MARCOL: variants seen among roughly 807,000 people sequenced by gnomAD.
MARCOL encodes MARCO like, also known as MARCO-like protein.
At chr5:148,241,161 C>A (rs868567177) in intron 1 of MARCOL, among the ~76,000 whole-genome samples, 1 of 101,050 alleles carries the variant, frequency 9.9e-6, no homozygotes, top group South Asian at 3.3e-4. Flanking sequence ...GGTTGCTAAG[C>A]TTCTGTGTCT....
chr5:148,241,020 C>A (rs1755958237), intron 1 of MARCOL, among the ~76,000 whole-genome samples: 1 of 152,072 alleles, frequency 6.6e-6, no homozygotes, highest in East Asian at 1.9e-4. Flanking sequence ...ATGTCTTGTT[C>A]ATTCCTAGCT....
In MARCOL at chr5:148,242,921, G is replaced by C. The variant is rs1199330342; in HGVS notation, c.525G>C (p.Gly175=). The C allele has an allele frequency of 1.0e-5, 4 of 398,430 alleles. No homozygotes were observed. Among genetic ancestry groups the C allele is most frequent in the Non-Finnish European group, 1.8e-5 (4 of 226,120 alleles). The allele number at this position is 398,430 out of a possible 1,614,324, so 24.7% of individuals were successfully genotyped here. A position where few individuals can be genotyped will look rare whatever the true frequency, so the allele number is the denominator to read the frequency against. The change falls in exon 2 of 2, where the codon GGG becomes GGC. Residue 175 remains glycine, a synonymous_variant. Transcript: ENST00000638089. ...AGCCAGGATCATCTAGCCAACACGG[G>C]AATCTAGGGTCATCAACCCAGAAAG... is the stretch of plus-strand genomic sequence containing the variant. The part of the protein sequence containing the change: ...QGKPGSSSQH[G]NLGSSTQKGN...
At chr5:148,241,944 T>A (rs7724807) in intron 1 of MARCOL, among the ~76,000 whole-genome samples, 139,938 of 152,182 alleles carry the variant, frequency 0.92, 64,378 homozygotes, top group Middle Eastern at 0.97. Context: ...GGAAAGAAAG[T>A]TGGCTACAGA....
At chr5:148,239,379 A>C (rs1210127758) in intron 1 of MARCOL, among the ~76,000 whole-genome samples, 1 of 151,954 alleles carries the variant, frequency 6.6e-6, no homozygotes, top group East Asian at 1.9e-4. Flanking sequence ...ATAAGCTCCC[A>C]CTTGACCATC....
intron 1 of MARCOL, among the ~76,000 whole-genome samples, chr5:148,241,383 A>G (rs1048463132): frequency 1.8e-4 from 9 of 50,410 alleles, no homozygotes; most frequent in Non-Finnish European, 6.2e-4. Context: ...GTATATTGAA[A>G]AAAATACCAA....
At chr5:148,241,128 C>A (rs1755959717) in intron 1 of MARCOL, among the ~76,000 whole-genome samples, 1 of 133,490 alleles carries the variant, frequency 7.5e-6, no homozygotes, top group South Asian at 2.7e-4. Flanking sequence ...CATATCCACA[C>A]TATACCACAG....
intron 1 of MARCOL, among the ~76,000 whole-genome samples, chr5:148,240,260 T>C (rs967590669): frequency 5.9e-5 from 9 of 151,898 alleles, no homozygotes; most frequent in African/African-American, 1.7e-4. Flanking sequence ...CAAATAAATA[T>C]GCTCTATATG....
Sources: gnomAD v4.1 joint callset for allele counts (sites outside exome capture counted in the v4.1 genomes callset) on GRCh38, gnomAD v4.1.1 for gene constraint, MANE v1.5 for transcripts, NCBI Gene and HGNC (gene_info 2026-07-23, HGNC 2026-07-21) for gene names.